The following UNC5D variants were observed in gnomAD, a reference collection of about 807,000 sequenced individuals.
UNC5D encodes the protein unc-5 netrin receptor D, also known as netrin receptor UNC5D.
In UNC5D, 39 loss-of-function variants were observed where a neutral mutation model predicts 105.4. The observed-to-expected ratio is 0.37, with a 90% CI of 0.29 to 0.48. The LOEUF (loss-of-function observed/expected upper bound fraction) is 0.48. Among genes scored for constraint, UNC5D ranks in the 20% least tolerant of loss-of-function variants. UNC5D has a pLI of 0.98. For synonymous variants in UNC5D, 452 were observed against 450.4 expected, an observed-to-expected ratio of 1.00 and a Z score of -0.04; for missense variants, 991 against 1,202.4, an observed-to-expected ratio of 0.82 and a Z score of 2.60.
intron 4 of UNC5D, among the ~76,000 whole-genome samples, chr8:35,634,667 A>G (rs1822246296): frequency 1.3e-5 from 2 of 152,172 alleles, no homozygotes; most frequent in South Asian, 2.1e-4. Context: ...GGGATGGCAC[A>G]TATTGATTTT....
chr8:35,384,185 C>A (rs1803230590), intron 1 of UNC5D, among the ~76,000 whole-genome samples: 1 of 150,202 alleles, frequency 6.7e-6, no homozygotes, highest in African/African-American at 2.5e-5. Context: ...TGCCACTACA[C>A]TCCAGCCTGG....
Position 35,795,419 on chromosome 8 carries a change from A to C in UNC5D, c.*4856A>C, listed in dbSNP as rs1193160399. On this transcript the variant is annotated 3_prime_UTR_variant, in exon 17 of 17. Coordinates refer to ENST00000404895, the MANE Select transcript of UNC5D (RefSeq NM_080872.4). ...TGGCCAAATTATATAATTCTCTTAAATTTTCATTTCTGTAGGTGGAGATTT... is the reference window on the plus strand; with the variant it reads ...TGGCCAAATTATATAATTCTCTTAACTTTTCATTTCTGTAGGTGGAGATTT... 6.6e-6 allele frequency: 1 copy of C among 152,106 alleles called. No individual in the cohort carries two copies. The highest frequency in any genetic ancestry group is 1.5e-5 in the Non-Finnish European group (1 of 68,022). 9.4% of individuals were successfully genotyped at this position (152,106 alleles called of 1,614,324 possible).
chr8:35,611,551 C>T (rs893444293), intron 4 of UNC5D, among the ~76,000 whole-genome samples: 3 of 152,112 alleles, frequency 2.0e-5, no homozygotes, highest in Admixed American at 6.5e-5. Context: ...TATAATAGGT[C>T]GCATGAATTT....
intron 3 of UNC5D, among the ~76,000 whole-genome samples, chr8:35,584,835 C>G (rs1818684107): frequency 6.6e-6 from 1 of 152,102 alleles, no homozygotes; most frequent in African/African-American, 2.4e-5. Flanking sequence ...TTCTTCAAGC[C>G]TGGTCTGTCT....
At chr8:35,769,735 T>C (rs918726901) in intron 15 of UNC5D, among the ~76,000 whole-genome samples, 8 of 151,946 alleles carry the variant, frequency 5.3e-5, no homozygotes, top group East Asian at 1.9e-4. Context: ...GAGGGCGAGG[T>C]AGGCGGATCA....
intron 2 of UNC5D, among the ~76,000 whole-genome samples, chr8:35,562,633 C>T (rs1817040686): frequency 1.3e-5 from 2 of 151,932 alleles, no homozygotes; most frequent in Non-Finnish European, 2.9e-5. Context: ...CTTTTCAGGT[C>T]TTGATCTTTT....
intron 15 of UNC5D, among the ~76,000 whole-genome samples, chr8:35,773,155 T>C (rs1307738055): frequency 6.6e-6 from 1 of 152,172 alleles, no homozygotes; most frequent in Non-Finnish European, 1.5e-5. Flanking sequence ...AGTGATTCAA[T>C]TGGATATTTT....
chr8:35,333,183 A>T (rs188854639), intron 1 of UNC5D, among the ~76,000 whole-genome samples: 10 of 152,186 alleles, frequency 6.6e-5, no homozygotes, highest in East Asian at 1.9e-4. Context: ...AAAATTTTTT[A>T]AAAAATTAGC....
intron 3 of UNC5D, among the ~76,000 whole-genome samples, chr8:35,587,965 A>AATAAT (rs1818897786): frequency 9.5e-6 from 1 of 105,096 alleles, no homozygotes; most frequent in East Asian, 3.3e-4. Context: ...TAACTATAAT[A>AATAAT]ATATATATAT....
intron 1 of UNC5D, among the ~76,000 whole-genome samples, chr8:35,441,564 T>C (rs921544089): frequency 2.6e-5 from 4 of 151,872 alleles, no homozygotes; most frequent in African/African-American, 9.7e-5. Flanking sequence ...TTGTGAACTT[T>C]TTAATATCCT....
chr8:35,400,068 C>T (rs1313548722), intron 1 of UNC5D, among the ~76,000 whole-genome samples: 1 of 152,116 alleles, frequency 6.6e-6, no homozygotes, highest in Non-Finnish European at 1.5e-5. Flanking sequence ...CATGAAAAGT[C>T]AACCCTGGTG....
intron 4 of UNC5D, among the ~76,000 whole-genome samples, chr8:35,610,036 T>C (rs750580390): frequency 1.6e-4 from 25 of 152,022 alleles, no homozygotes; most frequent in Non-Finnish European, 2.6e-4. Flanking sequence ...ATAATAAAAA[T>C]AGAAAGAGCT....
At chr8:35,293,717 A>T (rs950549220) in intron 1 of UNC5D, among the ~76,000 whole-genome samples, 41 of 152,200 alleles carry the variant, frequency 2.7e-4, no homozygotes, top group African/African-American at 9.6e-4. Context: ...TCAGGATTTG[A>T]TGGCGTTCAT....
At chr8:35,563,537 T>G (rs2130763962) in intron 2 of UNC5D, among the ~76,000 whole-genome samples, 1 of 152,304 alleles carries the variant, frequency 6.6e-6, no homozygotes, top group Admixed American at 6.5e-5. Context: ...TACATTTTTC[T>G]AAATATAAGA....
chr8:35,317,000 A>G (rs928438374), intron 1 of UNC5D, among the ~76,000 whole-genome samples: 1 of 152,172 alleles, frequency 6.6e-6, no homozygotes, highest in African/African-American at 2.4e-5. Flanking sequence ...TAACATCTCA[A>G]CTTAAAATGA....
At chr8:35,425,761 G>T (rs1465926395) in intron 1 of UNC5D, among the ~76,000 whole-genome samples, 2 of 152,196 alleles carry the variant, frequency 1.3e-5, no homozygotes, top group African/African-American at 4.8e-5. Flanking sequence ...CTCTGAATTT[G>T]TGAGGGTTTG....
At chr8:35,635,608 G>A (rs1001312148) in intron 4 of UNC5D, among the ~76,000 whole-genome samples, 1 of 152,102 alleles carries the variant, frequency 6.6e-6, no homozygotes, top group African/African-American at 2.4e-5. Context: ...ATTGATGAAG[G>A]CTATGTGAAA....
intron 1 of UNC5D, among the ~76,000 whole-genome samples, chr8:35,471,749 T>C (rs1279604487): frequency 6.6e-6 from 1 of 152,212 alleles, no homozygotes; most frequent in African/African-American, 2.4e-5. Flanking sequence ...TTTCCTTTAA[T>C]GAATTACACA....
intron 1 of UNC5D, among the ~76,000 whole-genome samples, chr8:35,399,504 A>G (rs2128948641): frequency 1.3e-5 from 2 of 152,220 alleles, no homozygotes; most frequent in East Asian, 3.9e-4. Context: ...GAGTTTGTCA[A>G]CTTTCAAGCC....
Sources: allele counts gnomAD v4.1 joint callset (sites outside exome capture counted in the v4.1 genomes callset), GRCh38; gene constraint gnomAD v4.1.1; transcripts MANE v1.5; gene names NCBI Gene and HGNC (gene_info 2026-07-23, HGNC 2026-07-21).